Variants in SCARB1 observed in about 807,000 individuals in gnomAD.
SCARB1 encodes the protein CD36 and LIMPII analogous 1.
A neutral mutation model predicts 57.2 loss-of-function variants in SCARB1; 30 were observed. That is an observed-to-expected ratio of 0.52 (90% CI 0.39 to 0.71). The LOEUF is 0.71. Among genes scored for constraint, SCARB1 ranks in the 30% least tolerant of loss-of-function variants. SCARB1 has a pLI of 0.00. For synonymous variants in SCARB1, 249 were observed against 268.3 expected (o/e 0.93, Z 0.70); for missense variants, 543 against 671.2 (o/e 0.81, Z 2.11).
intron 2 of SCARB1, 55 bp from the exon 3 acceptor site, chr12:124,815,169 C>T (rs1228687762): frequency 1.9e-6 from 3 of 1,597,782 alleles, no homozygotes; most frequent in South Asian, 2.2e-5. Flanking sequence ...GGACGTTTCC[C>T]TTCTACTCGC....
Position 124,810,361 on chromosome 12 carries a change from A to G in SCARB1, c.727-72T>C. 9.5e-7 allele frequency: 1 copy of G among 1,049,436 alleles called. No homozygotes were observed. The allele number at this position is 1,049,436 out of a possible 1,614,324, so 65.0% of individuals were successfully genotyped here. A position where few individuals can be genotyped will look rare whatever the true frequency, so the allele number is the denominator to read the frequency against. ...CTTAATAAGCCCTCTCAGGTGCTGC[A>G]CACCTAACTCACCCTGGTGCACGCA... On this transcript the variant is annotated intron_variant, in intron 5 of 12. Transcript: ENST00000261693. This position sits in a 1 kb window ranked among gnomAD's most constrained non-coding sequence, Gnocchi z 4.0.
chr12:124,815,795 G>C (rs1336971312), intron 2 of SCARB1, among the ~76,000 whole-genome samples: 1 of 152,188 alleles, frequency 6.6e-6, no homozygotes, highest in Non-Finnish European at 1.5e-5. Context: ...GAACCTGGGG[G>C]GCGGACGTTG....
At chr12:124,816,130 C>T (rs1416067026) in intron 2 of SCARB1, among the ~76,000 whole-genome samples, 9 of 152,208 alleles carry the variant, frequency 5.9e-5, no homozygotes, top group Admixed American at 5.9e-4. Flanking sequence ...TGCAGATGTG[C>T]TCCCGACCCT....
rs1485341292 is a variant in SCARB1, at chr12:124,807,476, T to G, written c.1009+285A>C. Among the ~76,000 whole-genome samples the G allele has an allele frequency of 6.6e-6, 1 of 152,210 alleles. No individual in the cohort carries two copies. Among genetic ancestry groups the G allele is most frequent in the East Asian group, 1.9e-4 (1 of 5,192 alleles). On this transcript the variant is annotated intron_variant, in intron 7 of 12. Coordinates refer to ENST00000261693, the MANE Select transcript of SCARB1 (RefSeq NM_005505.5). The surrounding 1 kb of genome is among the most constrained non-coding windows in gnomAD (Gnocchi z 5.3). ...CAGAAGGAACACAGCCGCCTTGTTC[T>G]GAGCGCGGTGAGACCCACGCAGACT... is the stretch of plus-strand genomic sequence containing the variant.
intron 1 of SCARB1, among the ~76,000 whole-genome samples, chr12:124,858,147 TCA>T (rs371436317): frequency 3.3e-5 from 5 of 151,594 alleles, no homozygotes; most frequent in South Asian, 2.1e-4. Context: ...ACAGACACCT[TCA>T]CACACACACA....
intron 1 of SCARB1, among the ~76,000 whole-genome samples, chr12:124,843,881 T>C (rs1482133457): frequency 6.6e-6 from 1 of 152,182 alleles, no homozygotes; most frequent in Admixed American, 6.5e-5. Context: ...AGAACAATGC[T>C]GCACCACGTA....
intron 1 of SCARB1, among the ~76,000 whole-genome samples, chr12:124,838,031 T>C (rs2135773629): frequency 6.6e-6 from 1 of 152,372 alleles, no homozygotes; most frequent in East Asian, 1.9e-4. Context: ...AGCGGCCACC[T>C]CGACTTATTT....
At chr12:124,844,367 C>T (rs1952048987) in intron 1 of SCARB1, among the ~76,000 whole-genome samples, 1 of 152,188 alleles carries the variant, frequency 6.6e-6, no homozygotes, top group Admixed American at 6.5e-5. Context: ...GCTCAAAGCA[C>T]TTCCACCTCT....
chr12:124,780,113 C>T (rs1873156196), intron 12 of SCARB1, among the ~76,000 whole-genome samples: 2 of 151,780 alleles, frequency 1.3e-5, no homozygotes, highest in Non-Finnish European at 2.9e-5. Flanking sequence ...TCCTCCTTCC[C>T]CTCCTCCTCC....
chr12:124,787,001 AAATAAAAT>A (rs1387287551), intron 10 of SCARB1, among the ~76,000 whole-genome samples: 16 of 152,252 alleles, frequency 1.1e-4, no homozygotes, highest in Admixed American at 9.2e-4. Context: ...AAATAAAATA[AAATAAAAT>A]AATAAAATAA....
chr12:124,862,075 C>G (rs1287098832), intron 1 of SCARB1, among the ~76,000 whole-genome samples: 6 of 152,220 alleles, frequency 3.9e-5, no homozygotes, highest in African/African-American at 1.4e-4. Context: ...GTGATAGCCC[C>G]TCTAGGGACC....
intron 1 of SCARB1, among the ~76,000 whole-genome samples, chr12:124,842,467 G>T (rs1951943889): frequency 6.6e-6 from 1 of 152,236 alleles, no homozygotes; most frequent in Non-Finnish European, 1.5e-5. Context: ...TCTCAGCGGG[G>T]CTCTGGCCCT....
Position 124,863,745 on chromosome 12 carries a change from C to T in SCARB1, c.-25G>A. 1 of 1,436,710 alleles carries T rather than the reference C, an allele frequency of 7.0e-7. No homozygotes were observed. Among genetic ancestry groups the T allele is most frequent in the East Asian group, 2.9e-5 (1 of 34,130 alleles). The allele number at this position is 1,436,710 out of a possible 1,614,324, so 89.0% of individuals were successfully genotyped here. On this transcript the variant is annotated 5_prime_UTR_variant, in exon 1 of 13. Transcript: ENST00000261693. ...TGTCTGCGCGCCTGGGGCCCACCCG[C>T]GGCTCGCAGGGCTCCGCGCCTGGCA... is the stretch of plus-strand genomic sequence containing the variant.
chr12:124,858,048 C>T (rs958860931), intron 1 of SCARB1, among the ~76,000 whole-genome samples: 6 of 152,224 alleles, frequency 3.9e-5, no homozygotes, highest in Non-Finnish European at 7.3e-5. Flanking sequence ...GTTACTCACC[C>T]ACATACCTGA....
At chr12:124,791,883 G>A (rs1949745545) in intron 9 of SCARB1, among the ~76,000 whole-genome samples, 1 of 152,008 alleles carries the variant, frequency 6.6e-6, no homozygotes, top group Admixed American at 6.5e-5. Context: ...TTGAACCCGA[G>A]GCGGAGGTTG....
chr12:124,801,378 C>T (rs955869262), intron 7 of SCARB1, among the ~76,000 whole-genome samples: 2 of 152,148 alleles, frequency 1.3e-5, no homozygotes, highest in African/African-American at 4.8e-5. Flanking sequence ...GTGATGGCTG[C>T]ACAACCTTGT....
intron 1 of SCARB1, among the ~76,000 whole-genome samples, chr12:124,823,646 C>T (rs1951025294): frequency 6.6e-6 from 1 of 152,140 alleles, no homozygotes; most frequent in Non-Finnish European, 1.5e-5. Context: ...CCAAGAAGAA[C>T]TGAAAATGGG....
chr12:124,847,246 A>C (rs1282412070), intron 1 of SCARB1, among the ~76,000 whole-genome samples: 1 of 152,250 alleles, frequency 6.6e-6, no homozygotes, highest in Non-Finnish European at 1.5e-5. Context: ...GCCTGGGAAC[A>C]GACAGTGGAA....
chr12:124,789,444 C>A lies in SCARB1; in HGVS notation c.1203-1987G>T, dbSNP rs1949642729. ...CAATGCGACACCTGGGAAACTGTGA[C>A]CTGCCACGACGAAGGGGACCGTGCA... On this transcript the variant is annotated intron_variant, in intron 9 of 12. Coordinates refer to ENST00000261693, the MANE Select transcript of SCARB1 (RefSeq NM_005505.5). The surrounding 1 kb of genome is among the most constrained non-coding windows in gnomAD (Gnocchi z 4.4). 6.6e-6 allele frequency among the ~76,000 whole-genome samples: 1 copy of A among 152,172 alleles called. No individual in the cohort carries two copies. The highest frequency in any genetic ancestry group is 2.4e-5 in the African/African-American group (1 of 41,432).
Sources: gnomAD v4.1 joint callset for allele counts (sites outside exome capture counted in the v4.1 genomes callset) on GRCh38, gnomAD v4.1.1 for gene constraint, Gnocchi (gnomAD v3.1) non-coding constraint, MANE v1.5 for transcripts, NCBI Gene and HGNC (gene_info 2026-07-23, HGNC 2026-07-21) for gene names.